Variants in EEPD1 observed in about 807,000 individuals in gnomAD.
The protein encoded by EEPD1 is endonuclease/exonuclease/phosphatase family domain-containing protein 1.
In EEPD1, 17 loss-of-function variants were observed where a neutral mutation model predicts 46.3. The observed-to-expected ratio is 0.37, with a 90% CI of 0.25 to 0.55. The LOEUF (loss-of-function observed/expected upper bound fraction) is 0.55, where lower values mean the gene tolerates loss of function less well. Among genes scored for constraint, EEPD1 ranks in the 20% least tolerant of loss-of-function variants. The pLI, the probability that EEPD1 is intolerant of heterozygous loss-of-function variation, is 0.83. For synonymous variants in EEPD1, 313 were observed against 315.6 expected (o/e 0.99, Z 0.09); for missense variants, 673 against 745.6 (o/e 0.90, Z 1.13).
intron 6 of EEPD1, among the ~76,000 whole-genome samples, 171 bp downstream of exon 6, chr7:36,287,948 G>T (rs1027954336): frequency 6.6e-6 from 1 of 152,164 alleles, no homozygotes; most frequent in Non-Finnish European, 1.5e-5. Flanking sequence ...GACCCTGCAC[G>T]GCCACATCTG....
chr7:36,297,738 G>C (rs1389237577), intron 7 of EEPD1, among the ~76,000 whole-genome samples: 1 of 152,204 alleles, frequency 6.6e-6, no homozygotes, highest in East Asian at 1.9e-4. Context: ...GTCACAATGG[G>C]ACAGGAGAAA....
At position 36,299,853 on chromosome 7, in the gene EEPD1, G is replaced by A. The variant is rs1249689124; in HGVS notation, c.*647G>A. 1 of 137,734 alleles carries A rather than the reference G, an allele frequency of 7.3e-6. No individual in the cohort carries two copies. The highest frequency in any genetic ancestry group is 2.7e-5 in the African/African-American group (1 of 36,664). 8.5% of individuals were successfully genotyped at this position (137,734 alleles called of 1,614,324 possible). On this transcript the variant is annotated 3_prime_UTR_variant, in exon 8 of 8. Transcript: ENST00000242108. ...CTGTGTGGAGCTAGGGTCAAGCCCT[G>A]AGCAGCTTCACTTCCCCTGCGCCTT...
chr7:36,206,184 T>G (rs1562686309), intron 2 of EEPD1, among the ~76,000 whole-genome samples: 1 of 151,358 alleles, frequency 6.6e-6, no homozygotes, highest in African/African-American at 2.4e-5. Flanking sequence ...ATCGTAATAA[T>G]CCCAAGAAAT....
In EEPD1 at chr7:36,154,621, T is replaced by C; in HGVS notation, c.297T>C (p.Cys99=). 6.2e-7 allele frequency: 1 copy of C among 1,613,998 alleles called. No homozygotes were observed. Among genetic ancestry groups the C allele is most frequent in the Non-Finnish European group, 8.5e-7 (1 of 1,180,002 alleles). ...TKLEQVKFEI[C]VSSKGSSAQH... ...TGGAGCAGGTCAAGTTTGAGATCTG[T>C]GTGAGCAGCAAGGGCAGCTCAGCGC... Residue 99 remains cysteine (C), a synonymous_variant, in exon 2 of 8, where the codon TGT becomes TGC. Transcript: ENST00000242108. This position sits in a 1 kb window ranked among gnomAD's most constrained non-coding sequence, Gnocchi z 4.2.
chr7:36,296,519 G>T (rs1479775054), intron 6 of EEPD1, among the ~76,000 whole-genome samples: 1 of 151,770 alleles, frequency 6.6e-6, no homozygotes, highest in Non-Finnish European at 1.5e-5. Context: ...CTTTCCCTGT[G>T]CTGTGTTGGT....
intron 2 of EEPD1, among the ~76,000 whole-genome samples, chr7:36,216,612 T>A (rs931897842): frequency 6.6e-6 from 1 of 152,242 alleles, no homozygotes; most frequent in African/African-American, 2.4e-5. Context: ...TGTGCAGAGT[T>A]CAAAGTTTTT....
intron 2 of EEPD1, among the ~76,000 whole-genome samples, chr7:36,219,142 G>A (rs1786087309): frequency 6.6e-6 from 1 of 152,072 alleles, no homozygotes; most frequent in Admixed American, 6.6e-5. Flanking sequence ...AAGATGGATC[G>A]ATGTCTGATT....
intron 3 of EEPD1, among the ~76,000 whole-genome samples, chr7:36,248,331 G>A (rs149519121): frequency 2.1e-3 from 318 of 150,870 alleles, no homozygotes; most frequent in African/African-American, 7.4e-3. Flanking sequence ...TCAGCCTCCC[G>A]ACTAGCTGGA....
At chr7:36,197,373 A>G (rs1007866468) in intron 2 of EEPD1, among the ~76,000 whole-genome samples, 6 of 151,886 alleles carry the variant, frequency 4.0e-5, no homozygotes, top group Non-Finnish European at 8.8e-5. Flanking sequence ...CTGGGAAGTG[A>G]GGAGCCCCTC....
chr7:36,251,356 T>C (rs1410627680), intron 3 of EEPD1, among the ~76,000 whole-genome samples: 1 of 152,176 alleles, frequency 6.6e-6, no homozygotes, highest in African/African-American at 2.4e-5. Context: ...TGTTCCCAAG[T>C]CTGGAGTGCA....
chr7:36,165,813 T>C (rs947248957), intron 2 of EEPD1, among the ~76,000 whole-genome samples: 4 of 152,020 alleles, frequency 2.6e-5, no homozygotes, highest in Non-Finnish European at 5.9e-5. Context: ...AGAATTTGAC[T>C]CATAAATTGA....
intron 3 of EEPD1, among the ~76,000 whole-genome samples, chr7:36,251,874 A>G (rs767535318): frequency 3.9e-5 from 6 of 152,188 alleles, no homozygotes. Context: ...TAATTTCTGT[A>G]CAGTTATTTG....
chr7:36,256,297 A>G (rs949718983), intron 3 of EEPD1, among the ~76,000 whole-genome samples: 9 of 152,148 alleles, frequency 5.9e-5, no homozygotes, highest in African/African-American at 2.2e-4. Flanking sequence ...TGTATATTCT[A>G]TTGATTTGGG....
At chr7:36,251,470 C>T (rs898482794) in intron 3 of EEPD1, among the ~76,000 whole-genome samples, 8 of 152,196 alleles carry the variant, frequency 5.3e-5, no homozygotes, top group Non-Finnish European at 1.2e-4. Flanking sequence ...ACCATCTTGC[C>T]TGCCTAATTT....
At chr7:36,195,198 C>T (rs960279196) in intron 2 of EEPD1, among the ~76,000 whole-genome samples, 1 of 152,174 alleles carries the variant, frequency 6.6e-6, no homozygotes, top group Non-Finnish European at 1.5e-5. Flanking sequence ...GAGGGATGCT[C>T]ATTGAGACCA....
intron 2 of EEPD1, among the ~76,000 whole-genome samples, chr7:36,211,831 A>G (rs1785940057): frequency 6.6e-6 from 1 of 152,062 alleles, no homozygotes; most frequent in African/African-American, 2.4e-5. Context: ...AGGCTGAGGC[A>G]GGAAAATAGC....
chr7:36,213,705 G>A (rs1785977305), intron 2 of EEPD1, among the ~76,000 whole-genome samples: 1 of 152,142 alleles, frequency 6.6e-6, no homozygotes, highest in Non-Finnish European at 1.5e-5. Context: ...CCTGCCCACA[G>A]CCTTAACTAC....
At chr7:36,241,737 A>G (rs1006153997) in intron 3 of EEPD1, among the ~76,000 whole-genome samples, 1 of 151,472 alleles carries the variant, frequency 6.6e-6, no homozygotes, top group Non-Finnish European at 1.5e-5. Context: ...CGGTAGTGGC[A>G]TGTGCCTGTA....
At chr7:36,260,551 A>G (rs928402271) in intron 3 of EEPD1, among the ~76,000 whole-genome samples, 1 of 152,220 alleles carries the variant, frequency 6.6e-6, no homozygotes, top group Non-Finnish European at 1.5e-5. Flanking sequence ...CCAGAGCTGC[A>G]CTGGCTTTGG....
Sources: gnomAD v4.1 joint callset for allele counts (sites outside exome capture counted in the v4.1 genomes callset) on GRCh38, gnomAD v4.1.1 for gene constraint, Gnocchi (gnomAD v3.1) non-coding constraint, MANE v1.5 for transcripts, NCBI Gene and HGNC (gene_info 2026-07-23, HGNC 2026-07-21) for gene names.